KCNU1: variants seen among roughly 807,000 people sequenced by gnomAD.
KCNU1 encodes potassium calcium-activated channel subfamily U member 1.
A neutral mutation model predicts 126.8 loss-of-function variants in KCNU1; 93 were observed. That is an observed-to-expected ratio of 0.73 (90% CI 0.62 to 0.87). The LOEUF is 0.87. KCNU1 is among the 40% of genes least tolerant of loss of function. KCNU1 has a pLI of 0.00. For synonymous variants in KCNU1, 523 were observed against 494.2 expected, an observed-to-expected ratio of 1.06 and a Z score of -0.77; for missense variants, 1,330 against 1,367.1, an observed-to-expected ratio of 0.97 and a Z score of 0.43.
intron 2 of KCNU1, among the ~76,000 whole-genome samples, chr8:36,797,993 T>C (rs1803167740): frequency 6.6e-6 from 1 of 152,228 alleles, no homozygotes; most frequent in Non-Finnish European, 1.5e-5. Flanking sequence ...GCATGAAGCC[T>C]AGAGGTCAGA....
intron 20 of KCNU1, among the ~76,000 whole-genome samples, chr8:36,907,225 G>T (rs953892440): frequency 6.6e-6 from 1 of 152,090 alleles, no homozygotes; most frequent in African/African-American, 2.4e-5. Flanking sequence ...TTGCAAAAGG[G>T]TCAAGTAGAA....
At chr8:36,882,238 C>T (rs1189397372) in intron 19 of KCNU1, among the ~76,000 whole-genome samples, 1 of 152,200 alleles carries the variant, frequency 6.6e-6, no homozygotes, top group African/African-American at 2.4e-5. Context: ...ATTTACCAAT[C>T]ACACCTGAAA....
intron 19 of KCNU1, among the ~76,000 whole-genome samples, chr8:36,868,685 C>G (rs1383486523): frequency 6.6e-6 from 1 of 152,108 alleles, no homozygotes; most frequent in Non-Finnish European, 1.5e-5. Context: ...ATGTTATAAA[C>G]AGCAGTTATG....
chr8:36,806,487 T>G, intron 5 of KCNU1, 107 bp downstream of exon 5: 1 of 646,268 alleles, frequency 1.5e-6, no homozygotes, highest in South Asian at 2.0e-5. Context: ...TGACTGTCAT[T>G]TTAAAAACCT....
intron 24 of KCNU1, among the ~76,000 whole-genome samples, chr8:36,929,554 T>A (rs1358496064): frequency 6.6e-6 from 1 of 152,060 alleles, no homozygotes; most frequent in African/African-American, 2.4e-5. Context: ...TGAAATTAAG[T>A]AAAACCCAGT....
chr8:36,915,000 G>A (rs1452585978), intron 22 of KCNU1, among the ~76,000 whole-genome samples: 1 of 152,178 alleles, frequency 6.6e-6, no homozygotes, highest in Non-Finnish European at 1.5e-5. Context: ...TGCTCGAAAA[G>A]GAGATGGAGT....
Position 36,804,091 on chromosome 8 carries a change from G to A in KCNU1, c.377+3G>A, listed in dbSNP as rs940415123. 2.6e-6 allele frequency: 4 copies of A among 1,543,772 alleles called. No individual in the cohort carries two copies. Among genetic ancestry groups the A allele is most frequent in the African/African-American group, 1.4e-5 (1 of 73,544 alleles). On this transcript the variant is annotated splice_donor_region_variant and intron_variant, in intron 3 of 26. Transcript: ENST00000399881. Reference sequence around the variant, plus strand: ...ATCTATTTCATCAATTCTGCTGAGTGAGTACAATGTCCAGTCACACTTGTC... The same window carrying A: ...ATCTATTTCATCAATTCTGCTGAGTAAGTACAATGTCCAGTCACACTTGTC...
At chr8:36,827,334 TA>T (rs1479612250) in intron 10 of KCNU1, among the ~76,000 whole-genome samples, 1 of 152,224 alleles carries the variant, frequency 6.6e-6, no homozygotes, top group African/African-American at 2.4e-5. Context: ...TATGCCAGTT[TA>T]TATTTTGGAA....
chr8:36,800,374 C>A (rs1467839880), intron 2 of KCNU1, among the ~76,000 whole-genome samples: 1 of 152,142 alleles, frequency 6.6e-6, no homozygotes, highest in African/African-American at 2.4e-5. Context: ...TATGTGTTTT[C>A]TCATAAAGAT....
At chr8:36,812,378 C>CAAAAAAA (rs765551359) in intron 7 of KCNU1, among the ~76,000 whole-genome samples, 2 of 83,582 alleles carry the variant, frequency 2.4e-5, no homozygotes, top group East Asian at 6.2e-4. Context: ...AGACTCCTCT[C>CAAAAAAA]AAAAAAAAAA....
intron 1 of KCNU1, 39 bp downstream of exon 1, chr8:36,784,644 G>C: frequency 6.7e-7 from 1 of 1,492,904 alleles, no homozygotes; most frequent in South Asian, 1.2e-5. Flanking sequence ...TGTGAAGTCA[G>C]AGATGAGTTT....
chr8:36,884,813 G>A (rs1345855411), intron 19 of KCNU1, among the ~76,000 whole-genome samples: 1 of 152,096 alleles, frequency 6.6e-6, no homozygotes, highest in Non-Finnish European at 1.5e-5. Flanking sequence ...TCTTGATTCT[G>A]TGGCCTAGGA....
At chr8:36,823,002 A>G (rs1182485379) in intron 10 of KCNU1, among the ~76,000 whole-genome samples, 2 of 152,230 alleles carry the variant, frequency 1.3e-5, no homozygotes, top group Non-Finnish European at 2.9e-5. Flanking sequence ...AATCATGTAT[A>G]CTTCCATGTA....
chr8:36,842,270 T>C (rs1204896491), intron 16 of KCNU1, among the ~76,000 whole-genome samples: 1 of 152,248 alleles, frequency 6.6e-6, no homozygotes, highest in African/African-American at 2.4e-5. Flanking sequence ...TTTTCAATTA[T>C]ATCAGGTGGG....
chr8:36,796,490 A>G (rs921538218), intron 2 of KCNU1, among the ~76,000 whole-genome samples: 4 of 152,214 alleles, frequency 2.6e-5, no homozygotes, highest in Admixed American at 6.5e-5. Flanking sequence ...ATTGACTGTC[A>G]TGTATTTCCA....
intron 24 of KCNU1, among the ~76,000 whole-genome samples, chr8:36,928,105 G>C (rs1420789808): frequency 6.6e-6 from 1 of 152,018 alleles, no homozygotes; most frequent in Non-Finnish European, 1.5e-5. Context: ...ACCCCAAATA[G>C]TAAGAATAGG....
At position 36,838,304 on chromosome 8, in the gene KCNU1, T is replaced by C. The variant is rs16885492; in HGVS notation, c.1518+1359T>C. ...CATGGCTGGAGAAAGTAAATGGAAA[T>C]AAATGGAATGTGAACTCTATATGAA... is the stretch of plus-strand genomic sequence containing the variant. On this transcript the variant is annotated intron_variant, in intron 14 of 26. Coordinates refer to ENST00000399881, the MANE Select transcript of KCNU1 (RefSeq NM_001031836.3). Among the ~76,000 whole-genome samples, 967 of 152,294 alleles carry C rather than the reference T, an allele frequency of 6.3e-3. 10 individuals are homozygous for C. Among genetic ancestry groups the C allele is most frequent in the African/African-American group, 0.02 (850 of 41,572 alleles).
chr8:36,901,827 A>G (rs1197854972), intron 19 of KCNU1, among the ~76,000 whole-genome samples: 1 of 151,948 alleles, frequency 6.6e-6, no homozygotes, highest in African/African-American at 2.4e-5. Context: ...CTCCCACCAC[A>G]TTTCTTGCCA....
chr8:36,792,779 CATT>C (rs1395911267), intron 2 of KCNU1, among the ~76,000 whole-genome samples: 1 of 152,030 alleles, frequency 6.6e-6, no homozygotes, highest in Non-Finnish European at 1.5e-5. Context: ...ATAGTGTTGT[CATT>C]ATTACACGAG....
Sources: gnomAD v4.1 joint callset for allele counts (sites outside exome capture counted in the v4.1 genomes callset) on GRCh38, gnomAD v4.1.1 for gene constraint, MANE v1.5 for transcripts, NCBI Gene and HGNC (gene_info 2026-07-23, HGNC 2026-07-21) for gene names.